MDFIC: variants seen among roughly 807,000 people sequenced by gnomAD.
MDFIC encodes the protein myoD family inhibitor domain-containing protein.
A neutral mutation model predicts 23.2 loss-of-function variants in MDFIC; 17 were observed. The observed-to-expected ratio is 0.73, with a 90% CI of 0.50 to 1.10. The LOEUF (loss-of-function observed/expected upper bound fraction) is 1.10. Among genes scored for constraint, MDFIC ranks in the 50% least tolerant of loss-of-function variants. The pLI, the probability that MDFIC is intolerant of heterozygous loss-of-function variation, is 0.00. For synonymous variants in MDFIC, 120 were observed against 115.2 expected (o/e 1.04, Z -0.27); for missense variants, 356 against 316.6 (o/e 1.12, Z -0.95).
At position 115,013,292 on chromosome 7, in the gene MDFIC, A is replaced by G. The variant is rs1437561853; in HGVS notation, c.494-2396A>G. Among the ~76,000 whole-genome samples, 7 of 152,248 alleles carry G rather than the reference A, an allele frequency of 4.6e-5. No homozygotes were observed. The East Asian group carries it at 1.2e-3, about 25-fold the overall frequency. ...CTATGGAGAGGAAGATGGATTCAGG[A>G]AAGGACTAAAGGAGGCTTCAAAAAT... On this transcript the variant is annotated intron_variant, in intron 4 of 4. Coordinates refer to ENST00000393486, the MANE Select transcript of MDFIC (RefSeq NM_001166345.3).
intron 4 of MDFIC, among the ~76,000 whole-genome samples, chr7:115,011,033 A>C (rs1791671621): frequency 6.6e-6 from 1 of 152,214 alleles, no homozygotes; most frequent in African/African-American, 2.4e-5. Flanking sequence ...AATCAGCAGA[A>C]AGTTTTGGAT....
intron 4 of MDFIC, among the ~76,000 whole-genome samples, chr7:114,983,391 C>G (rs1415871762): frequency 1.3e-5 from 2 of 152,054 alleles, no homozygotes; most frequent in Non-Finnish European, 2.9e-5. Flanking sequence ...CTAAGGGCGT[C>G]TTTTCTAACC....
chr7:114,930,656 T>G (rs778990402), intron 2 of MDFIC, among the ~76,000 whole-genome samples: 1 of 152,206 alleles, frequency 6.6e-6, no homozygotes, highest in Non-Finnish European at 1.5e-5. Context: ...ATTATTTTAT[T>G]GGATTATGTT....
At chr7:114,939,036 T>C (rs780648345) in intron 2 of MDFIC, among the ~76,000 whole-genome samples, 3 of 152,226 alleles carry the variant, frequency 2.0e-5, no homozygotes, top group Non-Finnish European at 4.4e-5. Context: ...CATCTTACAA[T>C]TATCTATCAA....
At chr7:114,967,327 T>C (rs1159827019) in intron 3 of MDFIC, among the ~76,000 whole-genome samples, 2 of 152,186 alleles carry the variant, frequency 1.3e-5, no homozygotes, top group African/African-American at 2.4e-5. Context: ...TCTGGAAAAG[T>C]GTTTTTAAAT....
Position 114,922,351 on chromosome 7 carries a change from A to T in MDFIC, c.-393A>T, listed in dbSNP as rs1792096680. Reference sequence around the variant, plus strand: ...GGAGTGGAAGAGGGGAAAGAGAGGCAGAGAGGGGGAAGGCCCCCTCGCAGG... The same window carrying T: ...GGAGTGGAAGAGGGGAAAGAGAGGCTGAGAGGGGGAAGGCCCCCTCGCAGG... On this transcript the variant is annotated 5_prime_UTR_variant, in exon 1 of 5. Transcript: ENST00000393486. The T allele has an allele frequency of 8.7e-7, 1 of 1,148,614 alleles. No individual in the cohort carries two copies. Among genetic ancestry groups the T allele is most frequent in the African/African-American group, 1.6e-5 (1 of 62,880 alleles). The allele number at this position is 1,148,614 out of a possible 1,614,324, so 71.2% of individuals were successfully genotyped here. A position where few individuals can be genotyped will look rare whatever the true frequency, so the allele number is the denominator to read the frequency against.
At position 115,015,314 on chromosome 7, in the gene MDFIC, A is replaced by C. The variant is rs567410407; in HGVS notation, c.494-374A>C. 6.6e-5 allele frequency among the ~76,000 whole-genome samples: 10 copies of C among 152,326 alleles called. No homozygotes were observed. The East Asian group carries it at 1.9e-3, about 29-fold the overall frequency. ...TTTCTATTTCTGAAGGACTTTAATA[A>C]CTATAATGCAGTTGTTTTAGCCCAG... is the stretch of plus-strand genomic sequence containing the variant. On this transcript the variant is annotated intron_variant, in intron 4 of 4. Coordinates refer to ENST00000393486, the MANE Select transcript of MDFIC (RefSeq NM_001166345.3).
chr7:114,932,852 CT>C (rs1180234281), intron 2 of MDFIC, among the ~76,000 whole-genome samples: 1 of 152,220 alleles, frequency 6.6e-6, no homozygotes, highest in Non-Finnish European at 1.5e-5. Context: ...ATCTACCATT[CT>C]GAAGTCCCAG....
intron 3 of MDFIC, among the ~76,000 whole-genome samples, chr7:114,955,309 A>G (rs1467776554): frequency 6.6e-6 from 1 of 152,102 alleles, no homozygotes; most frequent in Non-Finnish European, 1.5e-5. Context: ...TAGCCAAAAT[A>G]TGTTATTTGC....
rs535756515 is a variant in MDFIC at position 115,013,777 on chromosome 7, A to G, written c.494-1911A>G. Among the ~76,000 whole-genome samples the G allele has an allele frequency of 4.2e-4, 64 of 152,318 alleles. 2 individuals carry two copies. Among genetic ancestry groups the G allele is most frequent in the Admixed American group, 3.7e-3 (56 of 15,298 alleles). ...GTCATATAAGACAGATGCTGAGATG[A>G]AAGTATGGAAACAGTGTTGATAGAG... On this transcript the variant is annotated intron_variant, in intron 4 of 4. Coordinates refer to ENST00000393486, the MANE Select transcript of MDFIC (RefSeq NM_001166345.3).
In MDFIC at chr7:114,938,582, C is replaced by G. The variant is rs150651446; in HGVS notation, c.95-3693C>G. Among the ~76,000 whole-genome samples the G allele has an allele frequency of 1.6e-3, 246 of 152,238 alleles. 1 individual carries two copies. Among genetic ancestry groups the G allele is most frequent in the African/African-American group, 5.5e-3 (230 of 41,542 alleles). On this transcript the variant is annotated intron_variant, in intron 2 of 4. Transcript: ENST00000393486. ...GCATCTTTATGTTTCAAGAGCTGCA[C>G]AGCGGTTCTAACCCTGAGCCAAAGT...
chr7:114,972,781 G>T (rs1157220535), intron 3 of MDFIC, among the ~76,000 whole-genome samples: 1 of 151,946 alleles, frequency 6.6e-6, no homozygotes, highest in Non-Finnish European at 1.5e-5. Context: ...ATCACACCTG[G>T]TTAATTTTTT....
intron 3 of MDFIC, among the ~76,000 whole-genome samples, chr7:114,962,037 G>A (rs1793002963): frequency 1.3e-5 from 2 of 152,158 alleles, no homozygotes. Flanking sequence ...CTTAGATTCT[G>A]AATTGCAAGG....
chr7:114,993,453 A>G (rs1038042320), intron 4 of MDFIC, among the ~76,000 whole-genome samples: 51 of 152,036 alleles, frequency 3.4e-4, no homozygotes, highest in Admixed American at 3.1e-3. Flanking sequence ...TAGGGTGTCA[A>G]TTTAAATCTT....
chr7:114,977,752 T>G (rs1793344378), intron 3 of MDFIC, among the ~76,000 whole-genome samples: 1 of 151,874 alleles, frequency 6.6e-6, no homozygotes, highest in South Asian at 2.1e-4. Context: ...AACAGTCTCC[T>G]CTATTTACAC....
intron 4 of MDFIC, among the ~76,000 whole-genome samples, chr7:115,013,257 G>A (rs1562831090): frequency 1.3e-5 from 2 of 152,156 alleles, no homozygotes; most frequent in South Asian, 4.1e-4. Flanking sequence ...ACTTAAGACA[G>A]TGGTTACTTC....
intron 4 of MDFIC, among the ~76,000 whole-genome samples, chr7:114,995,110 C>T (rs1402398348): frequency 1.3e-5 from 2 of 152,210 alleles, no homozygotes; most frequent in African/African-American, 4.8e-5. Flanking sequence ...TCTTCAGTCA[C>T]TGATACCCTT....
In MDFIC at chr7:114,967,550, A is replaced by G. The variant is rs145762063; in HGVS notation, c.218-11956A>G. Among the ~76,000 whole-genome samples the G allele has an allele frequency of 3.2e-3, 492 of 152,222 alleles. 1 individual carries two copies. Among genetic ancestry groups the G allele is most frequent in the African/African-American group, 0.011 (471 of 41,530 alleles). ...AAATCAATAATAGTAGAGCTGCGCT[A>G]TTTTTGGATTTTCTGTTATATGAGA... is the stretch of plus-strand genomic sequence containing the variant. On this transcript the variant is annotated intron_variant, in intron 3 of 4. Transcript: ENST00000393486.
intron 3 of MDFIC, among the ~76,000 whole-genome samples, chr7:114,945,063 T>C (rs984926696): frequency 6.6e-6 from 1 of 152,244 alleles, no homozygotes; most frequent in Admixed American, 6.5e-5. Flanking sequence ...CTCAGCTGCA[T>C]ACGCAAGAAG....
Sources: allele counts gnomAD v4.1 joint callset (sites outside exome capture counted in the v4.1 genomes callset), GRCh38; gene constraint gnomAD v4.1.1; transcripts MANE v1.5; gene names NCBI Gene and HGNC (gene_info 2026-07-23, HGNC 2026-07-21).